SUSD4: variants seen among roughly 807,000 people sequenced by gnomAD.
The protein encoded by SUSD4 is sushi domain-containing protein 4.
Under a neutral mutation model 50.5 loss-of-function variants are expected in SUSD4, and 41 were observed. That is an observed-to-expected ratio of 0.81 (90% CI 0.63 to 1.05). The LOEUF (loss-of-function observed/expected upper bound fraction) is 1.05, where lower values mean the gene tolerates loss of function less well. SUSD4 is among the 50% of genes least tolerant of loss of function. The pLI is 0.00. For missense variants in SUSD4, 580 were observed against 634.7 expected (o/e 0.91, Z 0.93); for synonymous variants, 257 against 257.3 (o/e 1.00, Z 0.01).
chr1:223,289,194 T>C (rs918640017), intron 3 of SUSD4: 52 of 985,270 alleles, frequency 5.3e-5, no homozygotes, highest in Non-Finnish European at 6.1e-5. Flanking sequence ...CTCTCCACCA[T>C]ATAGGTCACC....
intron 5 of SUSD4, among the ~76,000 whole-genome samples, chr1:223,241,958 A>G (rs994711626): frequency 6.6e-6 from 1 of 152,150 alleles, no homozygotes; most frequent in African/African-American, 2.4e-5. Flanking sequence ...GTATGTATGT[A>G]TGAGACAGGG....
At chr1:223,264,372 T>A in intron 5 of SUSD4, 1 of 1,191,964 alleles carries the variant, frequency 8.4e-7, no homozygotes. Context: ...CAATATTTTG[T>A]AATTTAACCT....
At chr1:223,294,181 T>G (rs1208752174) in intron 2 of SUSD4, among the ~76,000 whole-genome samples, 2 of 152,230 alleles carry the variant, frequency 1.3e-5, no homozygotes, top group East Asian at 3.9e-4. Context: ...TACATAACTC[T>G]ATGTAGATGG....
chr1:223,227,377 C>T lies in SUSD4; in HGVS notation c.1061+217G>A, dbSNP rs1245083219. ...CCCATGATGCCCACCTGCAAATGGT[C>T]TACTGCAGGAAGGAGGGAGAGAGGT... On this transcript the variant is annotated intron_variant, in intron 7 of 8. Transcript: ENST00000366878. This position sits in a 1 kb window ranked among gnomAD's most constrained non-coding sequence, Gnocchi z 4.5. Among the ~76,000 whole-genome samples, 1 of 152,134 alleles carries T rather than the reference C, an allele frequency of 6.6e-6. No individual in the cohort carries two copies. Among genetic ancestry groups the T allele is most frequent in the Non-Finnish European group, 1.5e-5 (1 of 68,032 alleles).
At chr1:223,300,618 T>C (rs990549449) in intron 2 of SUSD4, among the ~76,000 whole-genome samples, 1 of 152,198 alleles carries the variant, frequency 6.6e-6, no homozygotes, top group South Asian at 2.1e-4. Flanking sequence ...TCCATTTCTC[T>C]GTAAACTGCT....
At chr1:223,361,282 A>C (rs1418112183) in intron 2 of SUSD4, among the ~76,000 whole-genome samples, 1 of 152,138 alleles carries the variant, frequency 6.6e-6, no homozygotes, top group African/African-American at 2.4e-5. Context: ...CGGTTTATTC[A>C]TAGAGGAACT....
At chr1:223,358,300 G>A (rs994983314) in intron 2 of SUSD4, among the ~76,000 whole-genome samples, 1 of 152,138 alleles carries the variant, frequency 6.6e-6, no homozygotes, top group African/African-American at 2.4e-5. Flanking sequence ...GCTTTACTCA[G>A]ATTTTAGAAT....
At chr1:223,324,770 G>A (rs1666778045) in intron 2 of SUSD4, among the ~76,000 whole-genome samples, 1 of 151,736 alleles carries the variant, frequency 6.6e-6, no homozygotes, top group Non-Finnish European at 1.5e-5. Context: ...GAGGGTAAAG[G>A]CTGAATCAGG....
At chr1:223,308,831 C>G (rs1772273) in intron 2 of SUSD4, among the ~76,000 whole-genome samples, 22,932 of 152,088 alleles carry the variant, frequency 0.15, 2,094 homozygotes, top group East Asian at 0.25. Flanking sequence ...CAATACTTTG[C>G]CCCCTACTAC....
chr1:223,273,262 T>C (rs1663037940), intron 3 of SUSD4, among the ~76,000 whole-genome samples: 1 of 152,178 alleles, frequency 6.6e-6, no homozygotes, highest in Admixed American at 6.5e-5. Context: ...CAGGGCTTTG[T>C]AGATTAGGGC....
At chr1:223,343,401 C>T (rs1378594522) in intron 2 of SUSD4, among the ~76,000 whole-genome samples, 1 of 152,172 alleles carries the variant, frequency 6.6e-6, no homozygotes, top group Non-Finnish European at 1.5e-5. Context: ...TTATCTCCCC[C>T]ACTGGACAAA....
At chr1:223,304,826 A>ATGC (rs1665430056) in intron 2 of SUSD4, among the ~76,000 whole-genome samples, 2 of 46,280 alleles carry the variant, frequency 4.3e-5, no homozygotes, top group Non-Finnish European at 5.6e-5. Context: ...ATATATATAT[A>ATGC]TATATATATA....
chr1:223,357,587 T>G (rs1465472021), intron 2 of SUSD4, among the ~76,000 whole-genome samples: 1 of 152,216 alleles, frequency 6.6e-6, no homozygotes, highest in Non-Finnish European at 1.5e-5. Flanking sequence ...TGTGAGGAAT[T>G]AAATGAGTTA....
intron 2 of SUSD4, among the ~76,000 whole-genome samples, chr1:223,314,295 C>G (rs1666048998): frequency 6.6e-6 from 1 of 152,044 alleles, no homozygotes; most frequent in Admixed American, 6.6e-5. Context: ...AATGAAATAC[C>G]ACACCAAGTC....
intron 5 of SUSD4, among the ~76,000 whole-genome samples, chr1:223,242,345 T>TG (rs1317250375): frequency 6.6e-6 from 1 of 152,226 alleles, no homozygotes; most frequent in Admixed American, 6.5e-5. Context: ...TTGTGGCATT[T>TG]GGGCCAGGCA....
chr1:223,359,095 G>A (rs1412132522), intron 2 of SUSD4: 5 of 470,952 alleles, frequency 1.1e-5, no homozygotes, highest in African/African-American at 1.0e-4. Flanking sequence ...AGGGCCGCTG[G>A]ACCAGGGGTT....
rs764158620 is a variant in SUSD4, at chr1:223,259,899, G to A, written c.724+4731C>T. 9.4e-4 allele frequency among the ~76,000 whole-genome samples: 143 copies of A among 152,144 alleles called. 1 individual carries two copies. Among genetic ancestry groups the A allele is most frequent in the Non-Finnish European group, 1.3e-3 (88 of 68,030 alleles). On this transcript the variant is annotated intron_variant, in intron 5 of 8. Coordinates refer to ENST00000366878, the MANE Select transcript of SUSD4 (RefSeq NM_017982.4). ...TCTCACACACACTAGGGCAGGCTGC[G>A]TCTATACCGATGAGCTCCACCACAC...
chr1:223,253,254 T>C (rs1360117461), intron 5 of SUSD4, among the ~76,000 whole-genome samples: 2 of 151,992 alleles, frequency 1.3e-5, no homozygotes, highest in Non-Finnish European at 2.9e-5. Context: ...ACACTCTAAC[T>C]TTAGAGGATG....
chr1:223,300,530 T>C (rs1665120612), intron 2 of SUSD4, among the ~76,000 whole-genome samples: 1 of 152,194 alleles, frequency 6.6e-6, no homozygotes, highest in African/African-American at 2.4e-5. Context: ...TTTTGGGTTA[T>C]TATAACTGAA....
Sources: allele counts gnomAD v4.1 joint callset (sites outside exome capture counted in the v4.1 genomes callset), GRCh38; gene constraint gnomAD v4.1.1; non-coding constraint Gnocchi (gnomAD v3.1); transcripts MANE v1.5; gene names NCBI Gene and HGNC (gene_info 2026-07-23, HGNC 2026-07-21).